Variants in EIF2S2 observed in about 807,000 individuals in gnomAD.
EIF2S2 encodes eukaryotic translation initiation factor 2 subunit beta.
In EIF2S2, 4 loss-of-function variants were observed where a neutral mutation model predicts 44.0. That is an observed-to-expected ratio of 0.09 (90% CI 0.04 to 0.21). EIF2S2 has a LOEUF of 0.21. Ranked by LOEUF, EIF2S2 falls within the 10% of genes least tolerant of loss-of-function variation. EIF2S2 has a pLI of 1.00. For synonymous variants in EIF2S2, 108 were observed against 128.3 expected, an observed-to-expected ratio of 0.84 and a Z score of 1.07; for missense variants, 154 against 392.0, an observed-to-expected ratio of 0.39 and a Z score of 5.13.
chr20:34,110,401 C>T (rs188251309), intron 1 of EIF2S2, among the ~76,000 whole-genome samples: 19 of 152,292 alleles, frequency 1.2e-4, no homozygotes, highest in Admixed American at 8.5e-4. Context: ...AGAATGGAAG[C>T]CAAAGACCAG....
chr20:34,096,918 C>G (rs2034235973), intron 5 of EIF2S2, 113 bp from the exon 6 acceptor site: 1 of 1,158,022 alleles, frequency 8.6e-7, no homozygotes, highest in Admixed American at 2.5e-5. Context: ...TAAATATACA[C>G]ATGCATTACT....
intron 1 of EIF2S2, among the ~76,000 whole-genome samples, chr20:34,106,254 T>G (rs1477391392): frequency 6.6e-6 from 1 of 151,846 alleles, no homozygotes; most frequent in East Asian, 1.9e-4. Flanking sequence ...GCTGGTAACT[T>G]GGGGCTGTTA....
In EIF2S2 at chr20:34,089,513, T is replaced by C. The variant is rs2034137405; in HGVS notation, c.*217A>G. The stretch of plus-strand genomic sequence containing the variant: ...GAACGATTTTAAAAAAGCACCTCCT[T>C]ACCCCATATCACGTTTCTCTGACAG... On this transcript the variant is annotated 3_prime_UTR_variant, in exon 9 of 9. Transcript: ENST00000374980. The C allele has an allele frequency of 1.9e-6, 1 of 529,188 alleles. No homozygotes were observed. Among genetic ancestry groups the C allele is most frequent in the African/African-American group, 2.0e-5 (1 of 50,954 alleles). 32.8% of individuals were successfully genotyped at this position (529,188 alleles called of 1,614,324 possible).
chr20:34,106,111 G>A (rs2034346827), intron 1 of EIF2S2, among the ~76,000 whole-genome samples: 1 of 151,894 alleles, frequency 6.6e-6, no homozygotes, highest in African/African-American at 2.4e-5. Flanking sequence ...GTAGAGACGG[G>A]GTCTCCCTCT....
chr20:34,098,745 C>A, intron 3 of EIF2S2, 112 bp from the exon 4 acceptor site: 2 of 1,302,528 alleles, frequency 1.5e-6, no homozygotes, highest in Non-Finnish European at 2.1e-6. Context: ...TCAGGCTAGT[C>A]TCAAACTCCT....
At chr20:34,097,997 G>A (rs2034250503) in intron 4 of EIF2S2, among the ~76,000 whole-genome samples, 1 of 152,124 alleles carries the variant, frequency 6.6e-6, no homozygotes, top group African/African-American at 2.4e-5. Context: ...TGTAATCCCA[G>A]CACTTTGGGA....
At chr20:34,105,317 T>C in intron 2 of EIF2S2, 51 bp downstream of exon 2, 10 of 1,581,352 alleles carry the variant, frequency 6.3e-6, no homozygotes, top group Non-Finnish European at 8.6e-6. Context: ...AAAACGCTCA[T>C]AGAACCAGGG....
rs769830044 is a variant in EIF2S2, at chr20:34,098,661, T to C, written c.298-28A>G. ...AAGAAAGTGAGATGAGTCTGAACATTTGATACTGGGACTATTCTTTTTTAT... is the reference window on the plus strand; with the variant it reads ...AAGAAAGTGAGATGAGTCTGAACATCTGATACTGGGACTATTCTTTTTTAT... On this transcript the variant is annotated intron_variant, in intron 3 of 8. Transcript: ENST00000374980. 31 of 1,608,174 alleles carry C rather than the reference T, an allele frequency of 1.9e-5. No homozygotes were observed. In the South Asian group the frequency reaches 2.7e-4, roughly 14 times the overall value.
At chr20:34,098,233 T>C (rs1341556684) in intron 4 of EIF2S2, among the ~76,000 whole-genome samples, 1 of 147,314 alleles carries the variant, frequency 6.8e-6, no homozygotes, top group Non-Finnish European at 1.5e-5. Flanking sequence ...GCGACAAGAG[T>C]GAGACTCCGT....
intron 2 of EIF2S2, 131 bp from the exon 3 acceptor site, chr20:34,103,696 C>A: frequency 3.2e-6 from 4 of 1,265,026 alleles, no homozygotes; most frequent in Non-Finnish European, 4.1e-6. Flanking sequence ...TCCACAATCA[C>A]AAAACTTATG....
chr20:34,098,575 A>T lies in EIF2S2; in HGVS notation c.356T>A (p.Ile119Asn), dbSNP rs2034259152. 6.2e-7 allele frequency: 1 copy of T among 1,614,012 alleles called. No individual in the cohort carries two copies. The highest frequency in any genetic ancestry group is 8.5e-7 in the Non-Finnish European group (1 of 1,180,010). ...TTTCTTCTTTTTATTGCCAAGCATA[A>T]TGTCAAGGTCATCCTCTGGTTCAGT... The part of the protein sequence containing the change: ...EPTEPEDDLD[I>N]MLGNKKKKKK... Residue 119 changes from isoleucine to asparagine, a missense_variant, in exon 4 of 9, where the codon ATT (isoleucine) becomes AAT (asparagine). Transcript: ENST00000374980.
At chr20:34,106,427 CT>C (rs55646105) in intron 1 of EIF2S2, among the ~76,000 whole-genome samples, 2,697 of 140,872 alleles carry the variant, frequency 0.019, 174 homozygotes, top group Admixed American at 0.14. Context: ...ATTAAAGGTT[CT>C]TTTTTTTTTT....
Position 34,091,486 on chromosome 20 carries a change from C to T in EIF2S2, c.741-884G>A, listed in dbSNP as rs371255873. Among the ~76,000 whole-genome samples, 6 of 152,094 alleles carry T rather than the reference C, an allele frequency of 3.9e-5. No homozygotes were observed. The East Asian group carries it at 7.7e-4, about 20-fold the overall frequency. On this transcript the variant is annotated intron_variant, in intron 7 of 8. Coordinates refer to ENST00000374980, the MANE Select transcript of EIF2S2 (RefSeq NM_003908.5). ...ATCCCAGCACTTTGGGAGGCTGAGG[C>T]GAGTTGATCACCTGAGGTCAGGTGT...
At chr20:34,099,465 T>A (rs1035344548) in intron 3 of EIF2S2, among the ~76,000 whole-genome samples, 8 of 152,194 alleles carry the variant, frequency 5.3e-5, no homozygotes, top group Non-Finnish European at 1.0e-4. Context: ...AGTTTCTAAG[T>A]GATTTTGATA....
At chr20:34,101,675 CTT>C (rs891453441) in intron 3 of EIF2S2, among the ~76,000 whole-genome samples, 27 of 132,354 alleles carry the variant, frequency 2.0e-4, no homozygotes, top group Admixed American at 5.4e-4. Flanking sequence ...AAGTATTTTT[CTT>C]TTTTTTTTTT....
At chr20:34,108,403 T>C (rs1296766368) in intron 1 of EIF2S2, 1 of 152,192 alleles carries the variant, frequency 6.6e-6, no homozygotes, top group Non-Finnish European at 1.5e-5. Flanking sequence ...AAGTACAGTT[T>C]ACAAATAAGG....
At chr20:34,101,659 A>G (rs374861073) in intron 3 of EIF2S2, among the ~76,000 whole-genome samples, 83 of 151,258 alleles carry the variant, frequency 5.5e-4, no homozygotes, top group African/African-American at 1.9e-3. Context: ...GGTGGAGAAC[A>G]GCAAAAAGTA....
Position 34,091,782 on chromosome 20 carries a change from G to T in EIF2S2, c.741-1180C>A, listed in dbSNP as rs1389397069. Among the ~76,000 whole-genome samples, 7 of 144,370 alleles carry T rather than the reference G, an allele frequency of 4.8e-5. 1 individual carries two copies. 94.7% of individuals were successfully genotyped at this position (144,370 alleles called of 152,430 possible). A position where few individuals can be genotyped will look rare whatever the true frequency, so the allele number is the denominator to read the frequency against. ...TTATATATATTTATTTTTTTGGGGG[G>T]GGGGGGTCCAAGGGTGGAGGTTTAA... On this transcript the variant is annotated intron_variant, in intron 7 of 8. Coordinates refer to ENST00000374980, the MANE Select transcript of EIF2S2 (RefSeq NM_003908.5).
chr20:34,098,474 G>A (rs1220295337), intron 4 of EIF2S2, 24 bp downstream of exon 4: 1 of 1,611,166 alleles, frequency 6.2e-7, no homozygotes, highest in African/African-American at 1.3e-5. Flanking sequence ...ACCTCTAAAT[G>A]TGCTGCTGAG....
Sources: gnomAD v4.1 joint callset for allele counts (sites outside exome capture counted in the v4.1 genomes callset) on GRCh38, gnomAD v4.1.1 for gene constraint, MANE v1.5 for transcripts, NCBI Gene and HGNC (gene_info 2026-07-23, HGNC 2026-07-21) for gene names.